Variants in CACNA2D3 observed in about 807,000 individuals in gnomAD.
The protein encoded by CACNA2D3 is calcium voltage-gated channel auxiliary subunit alpha2delta 3, also known as voltage-dependent calcium channel subunit alpha-2/delta-3.
Under a neutral mutation model 160.6 loss-of-function variants are expected in CACNA2D3, and 60 were observed. That is an observed-to-expected ratio of 0.37 (90% CI 0.30 to 0.46). The LOEUF (loss-of-function observed/expected upper bound fraction) is 0.46, where lower values mean the gene tolerates loss of function less well. Among genes scored for constraint, CACNA2D3 ranks in the 20% least tolerant of loss-of-function variants. CACNA2D3 has a pLI of 1.00. For synonymous variants in CACNA2D3, 558 were observed against 492.9 expected, an observed-to-expected ratio of 1.13 and a Z score of -1.75; for missense variants, 1,205 against 1,365.0, an observed-to-expected ratio of 0.88 and a Z score of 1.85.
chr3:55,035,028 A>G (rs1000727787), intron 35 of CACNA2D3, among the ~76,000 whole-genome samples: 3 of 152,126 alleles, frequency 2.0e-5, no homozygotes, highest in Non-Finnish European at 4.4e-5. Flanking sequence ...TAACTTTTAT[A>G]AAGAACAGGT....
At chr3:54,957,619 G>A (rs897711402) in intron 27 of CACNA2D3, among the ~76,000 whole-genome samples, 1 of 152,152 alleles carries the variant, frequency 6.6e-6, no homozygotes, top group Non-Finnish European at 1.5e-5. Context: ...GAGGGCCGGT[G>A]GGGAAGTGCT....
intron 13 of CACNA2D3, among the ~76,000 whole-genome samples, chr3:54,799,692 G>A (rs1032341510): frequency 6.6e-6 from 1 of 152,030 alleles, no homozygotes; most frequent in Non-Finnish European, 1.5e-5. Flanking sequence ...AAGTTCTTTG[G>A]CTCCCATCTC....
intron 27 of CACNA2D3, among the ~76,000 whole-genome samples, chr3:54,917,588 T>C (rs932423281): frequency 1.3e-5 from 2 of 152,242 alleles, no homozygotes; most frequent in African/African-American, 4.8e-5. Context: ...GCGCTATGTA[T>C]GCAGATACAG....
chr3:54,657,726 G>A (rs1699899397), intron 11 of CACNA2D3, among the ~76,000 whole-genome samples: 1 of 152,106 alleles, frequency 6.6e-6, no homozygotes, highest in Non-Finnish European at 1.5e-5. Flanking sequence ...GGCTGGGTAA[G>A]ATTCCATTGT....
intron 5 of CACNA2D3, among the ~76,000 whole-genome samples, chr3:54,516,505 T>C (rs1307437876): frequency 6.6e-6 from 1 of 152,238 alleles, no homozygotes; most frequent in African/African-American, 2.4e-5. Flanking sequence ...GATATTTGCA[T>C]GTCTCCATAG....
intron 31 of CACNA2D3, 150 bp downstream of exon 31, chr3:54,987,903 GCC>G (rs1702652438): frequency 8.5e-6 from 5 of 586,834 alleles, no homozygotes; most frequent in Non-Finnish European, 1.5e-5. Flanking sequence ...GAAATTCGAT[GCC>G]TCTTGCACGA....
At chr3:54,434,461 A>T (rs775443727) in intron 4 of CACNA2D3, among the ~76,000 whole-genome samples, 14 of 152,188 alleles carry the variant, frequency 9.2e-5, no homozygotes, top group Non-Finnish European at 2.1e-4. Context: ...TGTCAGTGGG[A>T]CCCATCTGGC....
At chr3:55,061,580 A>C (rs1434134656) in intron 35 of CACNA2D3, among the ~76,000 whole-genome samples, 1 of 152,248 alleles carries the variant, frequency 6.6e-6, no homozygotes. Flanking sequence ...GGCTTACTCA[A>C]GTTTCCCAAA....
intron 9 of CACNA2D3, among the ~76,000 whole-genome samples, chr3:54,619,063 C>T (rs1490016469): frequency 6.6e-6 from 1 of 152,248 alleles, no homozygotes; most frequent in African/African-American, 2.4e-5. Context: ...GTGAGGCCTA[C>T]TGTGTACACA....
At chr3:54,943,217 A>AAC (rs1701522199) in intron 27 of CACNA2D3, among the ~76,000 whole-genome samples, 1 of 151,082 alleles carries the variant, frequency 6.6e-6, no homozygotes, top group Non-Finnish European at 1.5e-5. Flanking sequence ...AAAAAAAAAA[A>AAC]TGAGAATAAT....
intron 2 of CACNA2D3, among the ~76,000 whole-genome samples, chr3:54,217,401 C>T (rs1701482319): frequency 6.6e-6 from 1 of 152,120 alleles, no homozygotes. Flanking sequence ...CTGGACATGA[C>T]CACCTGGAGA....
chr3:54,264,833 C>T (rs550773944), intron 2 of CACNA2D3, among the ~76,000 whole-genome samples: 5 of 152,244 alleles, frequency 3.3e-5, no homozygotes, highest in Middle Eastern at 3.4e-3. Context: ...TTAAGAGATG[C>T]ATTTGGTTTT....
chr3:54,348,310 A>G (rs1309800416), intron 3 of CACNA2D3, among the ~76,000 whole-genome samples: 3 of 152,130 alleles, frequency 2.0e-5, no homozygotes, highest in Admixed American at 1.3e-4. Flanking sequence ...GTTATTTTTG[A>G]TTTCACTGGC....
intron 2 of CACNA2D3, among the ~76,000 whole-genome samples, chr3:54,234,547 G>A (rs556992475): frequency 6.6e-6 from 1 of 151,990 alleles, no homozygotes; most frequent in Non-Finnish European, 1.5e-5. Context: ...TACCATAAAG[G>A]CACATGCATG....
intron 3 of CACNA2D3, among the ~76,000 whole-genome samples, chr3:54,376,816 G>A (rs1369355144): frequency 2.0e-5 from 3 of 152,152 alleles, no homozygotes; most frequent in South Asian, 2.1e-4. Context: ...GTTGGACCTC[G>A]GGGCTGTTCC....
At chr3:54,231,697 T>G (rs1219302076) in intron 2 of CACNA2D3, among the ~76,000 whole-genome samples, 3 of 152,232 alleles carry the variant, frequency 2.0e-5, no homozygotes, top group South Asian at 4.1e-4. Flanking sequence ...ATTAGGTAAT[T>G]TTATAAAAAT....
chr3:55,071,736 T>C (rs1353081618), intron 35 of CACNA2D3, among the ~76,000 whole-genome samples: 2 of 152,226 alleles, frequency 1.3e-5, no homozygotes, highest in African/African-American at 4.8e-5. Flanking sequence ...TGGATTTGTT[T>C]TTTCAGTGCA....
At chr3:54,937,091 C>T (rs1701346827) in intron 27 of CACNA2D3, among the ~76,000 whole-genome samples, 1 of 152,140 alleles carries the variant, frequency 6.6e-6, no homozygotes, top group African/African-American at 2.4e-5. Context: ...TGGTGTTTCT[C>T]TATTTTTGGT....
chr3:54,380,726 CAAAAAACA>C (rs11282178), intron 3 of CACNA2D3, among the ~76,000 whole-genome samples: 217 of 150,966 alleles, frequency 1.4e-3, no homozygotes, highest in Non-Finnish European at 2.2e-3. Flanking sequence ...GTCTCAAAAA[CAAAAAACA>C]AAAAAACAAA....
Sources: allele counts gnomAD v4.1 joint callset (sites outside exome capture counted in the v4.1 genomes callset), GRCh38; gene constraint gnomAD v4.1.1; transcripts MANE v1.5; gene names NCBI Gene and HGNC (gene_info 2026-07-23, HGNC 2026-07-21).